Variants in CILK1 observed in about 807,000 individuals in gnomAD.
The protein encoded by CILK1 is ciliogenesis associated kinase 1.
Under a neutral mutation model 79.2 loss-of-function variants are expected in CILK1, and 47 were observed. The ratio of observed to expected loss-of-function variants is 0.59; its 90% confidence interval spans 0.47 to 0.76. The LOEUF is 0.76. Ranked by LOEUF, CILK1 falls within the 30% of genes least tolerant of loss-of-function variation. The probability of loss-of-function intolerance (pLI) is 0.00; values close to 1 mark genes in which losing one functional copy is unlikely to be tolerated. For missense variants in CILK1, 660 were observed against 769.5 expected (o/e 0.86, Z 1.68); for synonymous variants, 266 against 275.9 (o/e 0.96, Z 0.36).
At chr6:53,049,763 T>C (rs908334279) in intron 1 of CILK1, among the ~76,000 whole-genome samples, 9 of 152,206 alleles carry the variant, frequency 5.9e-5, no homozygotes, top group African/African-American at 1.2e-4. Flanking sequence ...GGTCTTGCTC[T>C]GTCTCCCAGC....
At chr6:53,044,548 G>C (rs1167196937) in intron 1 of CILK1, among the ~76,000 whole-genome samples, 1 of 152,124 alleles carries the variant, frequency 6.6e-6, no homozygotes, top group East Asian at 1.9e-4. Flanking sequence ...TTCTCAAGTG[G>C]GTAGAACAAA....
At chr6:53,011,070 A>G (rs1764540643) in intron 11 of CILK1, among the ~76,000 whole-genome samples, 2 of 152,314 alleles carry the variant, frequency 1.3e-5, no homozygotes, top group African/African-American at 4.8e-5. Context: ...AAATCAGGAG[A>G]GAGGCTTGGA....
Position 53,005,207 on chromosome 6 carries a change from G to T in CILK1, c.1841C>A (p.Ala614Asp). 6.2e-7 allele frequency: 1 copy of T among 1,614,206 alleles called. No individual in the cohort carries two copies. Among genetic ancestry groups the T allele is most frequent in the Non-Finnish European group, 8.5e-7 (1 of 1,180,042 alleles). ...STPGLIPRPPAAQPVHGRTDW... is the reference protein window; with the variant it reads ...STPGLIPRPPDAQPVHGRTDW... ...TGTCCGGCCATGCACTGGCTGGGCG[G>T]CTGGAGGCCGTGGTATCAACCCAGG... The change falls in exon 14 of 14, where the codon GCC (alanine) becomes GAC (aspartate). Residue 614 changes from alanine to aspartate, a missense_variant. Transcript: ENST00000676107.
At chr6:53,018,571 T>C (rs1765031449) in intron 6 of CILK1, 70 bp from the exon 7 acceptor site, 1 of 1,455,052 alleles carries the variant, frequency 6.9e-7, no homozygotes, top group Non-Finnish European at 9.6e-7. Flanking sequence ...TAACAATCAG[T>C]TCTCAGTGAG....
intron 1 of CILK1, among the ~76,000 whole-genome samples, chr6:53,055,824 T>C (rs1227396784): frequency 6.6e-6 from 1 of 152,170 alleles, no homozygotes; most frequent in Non-Finnish European, 1.5e-5. Flanking sequence ...TAGTTGGCTT[T>C]GGTGGACTGT....
At chr6:53,058,072 A>T (rs568437331) in intron 1 of CILK1, among the ~76,000 whole-genome samples, 1 of 152,230 alleles carries the variant, frequency 6.6e-6, no homozygotes, top group South Asian at 2.1e-4. Flanking sequence ...ACCCAGGAAG[A>T]CTTCAACTTT....
intron 5 of CILK1, among the ~76,000 whole-genome samples, chr6:53,029,679 C>A (rs1765802950): frequency 1.3e-5 from 2 of 152,116 alleles, no homozygotes; most frequent in African/African-American, 4.8e-5. Flanking sequence ...ATCGCTAGAG[C>A]CCAGGAGTCC....
At chr6:53,032,251 A>G (rs927321842) in intron 4 of CILK1, among the ~76,000 whole-genome samples, 2 of 152,214 alleles carry the variant, frequency 1.3e-5, no homozygotes, top group Non-Finnish European at 2.9e-5. Context: ...AGCTTTCAAC[A>G]TGAAAGCCCA....
intron 1 of CILK1, among the ~76,000 whole-genome samples, chr6:53,055,685 T>C (rs1767804420): frequency 6.6e-6 from 1 of 152,218 alleles, no homozygotes; most frequent in African/African-American, 2.4e-5. Context: ...CGTCCTGCAC[T>C]AGGTCCTTAA....
At chr6:53,035,609 G>A (rs930639027) in intron 3 of CILK1, among the ~76,000 whole-genome samples, 3 of 152,118 alleles carry the variant, frequency 2.0e-5, no homozygotes, top group African/African-American at 7.2e-5. Context: ...AGTCCACAGG[G>A]TCTTCATGGG....
In CILK1 at chr6:53,032,516, T is replaced by C; in HGVS notation, c.278+17A>G. 4 of 1,557,376 alleles carry C rather than the reference T, an allele frequency of 2.6e-6. No individual in the cohort carries two copies. Among genetic ancestry groups the C allele is most frequent in the Non-Finnish European group, 2.6e-6 (3 of 1,147,076 alleles). ...CCTATTTATTTCTATAATAAGATAATGATGACCAAACTGTACCTCTCTTTA... is the reference window on the plus strand; with the variant it reads ...CCTATTTATTTCTATAATAAGATAACGATGACCAAACTGTACCTCTCTTTA... On this transcript the variant is annotated intron_variant, in intron 4 of 13. Coordinates refer to ENST00000676107, the MANE Select transcript of CILK1 (RefSeq NM_014920.5).
At chr6:53,046,582 C>T (rs1022377712) in intron 1 of CILK1, among the ~76,000 whole-genome samples, 3 of 152,300 alleles carry the variant, frequency 2.0e-5, no homozygotes, top group African/African-American at 7.2e-5. Flanking sequence ...ATGACTCTCA[C>T]CATACCATGG....
chr6:53,026,302 T>C (rs1765572660), intron 5 of CILK1, among the ~76,000 whole-genome samples: 1 of 151,928 alleles, frequency 6.6e-6, no homozygotes, highest in South Asian at 2.1e-4. Flanking sequence ...GTAGCTGGGA[T>C]TATGACCAGC....
In CILK1 at chr6:53,005,013, T is replaced by C. The variant is rs1450485760; in HGVS notation, c.*136A>G. ...AACTTTAAAAAAGAATATTGACATG[T>C]CTTAGTTCAGAAGAATAACTATAAA... On this transcript the variant is annotated 3_prime_UTR_variant, in exon 14 of 14. Transcript: ENST00000676107. 6.1e-6 allele frequency: 6 copies of C among 984,328 alleles called. No individual in the cohort carries two copies. The highest frequency in any genetic ancestry group is 4.8e-5 in the African/African-American group (3 of 62,564). The allele number at this position is 984,328 out of a possible 1,614,324, so 61.0% of individuals were successfully genotyped here. A position where few individuals can be genotyped will look rare whatever the true frequency, so the allele number is the denominator to read the frequency against.
At chr6:53,013,110 C>T (rs1764674774) in intron 9 of CILK1, among the ~76,000 whole-genome samples, 1 of 152,196 alleles carries the variant, frequency 6.6e-6, no homozygotes, top group Admixed American at 6.5e-5. Context: ...TCCTCATGAA[C>T]AACCCTGTCT....
intron 1 of CILK1, among the ~76,000 whole-genome samples, chr6:53,046,228 T>C (rs533048535): frequency 4.6e-5 from 7 of 152,352 alleles, no homozygotes; most frequent in Non-Finnish European, 5.9e-5. Context: ...CTCCATCTCC[T>C]TGATGAACTA....
chr6:53,057,387 T>G (rs1005980649), intron 1 of CILK1, among the ~76,000 whole-genome samples: 1 of 152,174 alleles, frequency 6.6e-6, no homozygotes, highest in African/African-American at 2.4e-5. Context: ...CTTGACATGG[T>G]GGGAAAAGCA....
rs1263271538 is a variant in CILK1, at chr6:53,037,960, G to T, written c.135C>A (p.Cys45Ter). Reference sequence around the variant, plus strand: ...ATACCTTAACCTCCCGAAGGTTCATGCATTCCTCCCAGGAATAAAATTTTC... The same window carrying T: ...ATACCTTAACCTCCCGAAGGTTCATTCATTCCTCCCAGGAATAAAATTTTC... ...MKRKFYSWEE[C>*]MNLREVKSLK... Residue 45 changes from cysteine (C) to a stop codon, truncating the protein, a stop_gained, in exon 3 of 14, where the codon TGC becomes TGA. Coordinates refer to ENST00000676107, the MANE Select transcript of CILK1 (RefSeq NM_014920.5). LOFTEE classifies it high-confidence loss of function. The T allele has an allele frequency of 6.3e-7, 1 of 1,592,370 alleles. No individual in the cohort carries two copies. The highest frequency in any genetic ancestry group is 1.7e-5 in the Admixed American group (1 of 59,992).
intron 1 of CILK1, chr6:53,054,717 A>C (rs1335837913): frequency 6.6e-6 from 1 of 152,236 alleles, no homozygotes; most frequent in Non-Finnish European, 1.5e-5. Context: ...CCAAAGAAAG[A>C]CAGCTTTATC....
Sources: allele counts gnomAD v4.1 joint callset (sites outside exome capture counted in the v4.1 genomes callset), GRCh38; gene constraint gnomAD v4.1.1; transcripts MANE v1.5; gene names NCBI Gene and HGNC (gene_info 2026-07-23, HGNC 2026-07-21).